CDKL5: variants seen among roughly 807,000 people sequenced by gnomAD.
CDKL5 encodes cyclin-dependent kinase-like 5.
CDKL5 carries 8 observed loss-of-function variants against 61.7 expected under a neutral mutation model. The observed-to-expected ratio is 0.13, with a 90% CI of 0.08 to 0.23. The LOEUF is 0.23. Ranked by LOEUF, CDKL5 falls within the 10% of genes least tolerant of loss-of-function variation. The pLI is 1.00. For synonymous variants in CDKL5, 275 were observed against 272.3 expected, an observed-to-expected ratio of 1.01 and a Z score of -0.10; for missense variants, 440 against 734.5, an observed-to-expected ratio of 0.60 and a Z score of 4.63.
chrX:18,603,478 A>G (rs763577238), intron 11 of CDKL5, among the ~76,000 whole-genome samples: 11 of 112,554 alleles, frequency 9.8e-5, no homozygotes, highest in African/African-American at 3.5e-4. Flanking sequence ...AGTTCAAGAA[A>G]CATAGTAACC....
chrX:18,559,071 G>A (rs1466743592), intron 3 of CDKL5, among the ~76,000 whole-genome samples: 4 of 112,732 alleles, frequency 3.5e-5, no homozygotes, highest in African/African-American at 1.3e-4. Flanking sequence ...CAACCCCAAT[G>A]AGAAGGATGT....
chrX:18,481,371 T>TCTTTCTTTCTTTCTTCTTTCTTCTTTC (rs1569192149), intron 1 of CDKL5, among the ~76,000 whole-genome samples: 1 of 95,860 alleles, frequency 1.0e-5, no homozygotes, highest in African/African-American at 3.9e-5. Flanking sequence ...TTTCTTTCTT[T>TCTTTCTTTCTTTCTTCTTTCTTCTTTC]TGAGGCAGGG....
intron 1 of CDKL5, among the ~76,000 whole-genome samples, chrX:18,487,686 C>T (rs751636601): frequency 1.2e-3 from 140 of 112,838 alleles, no homozygotes; most frequent in Non-Finnish European, 2.3e-3. Context: ...GAGGCTGAGG[C>T]GGGAGGATCA....
chrX:18,633,899 C>A lies in CDKL5; in HGVS notation c.*5142C>A. Reference sequence around the variant, plus strand: ...TGTAGGCTATTAAATATGATCATGACCCGCCTTGCATTTTCATTCATCACC... The same window carrying A: ...TGTAGGCTATTAAATATGATCATGAACCGCCTTGCATTTTCATTCATCACC... On this transcript the variant is annotated 3_prime_UTR_variant, in exon 18 of 18. Coordinates refer to ENST00000623535, the MANE Select transcript of CDKL5 (RefSeq NM_001323289.2). The A allele has an allele frequency of 1.3e-6, 1 of 753,702 alleles. No homozygotes were observed. Among genetic ancestry groups the A allele is most frequent in the Non-Finnish European group, 1.6e-6 (1 of 639,086 alleles). The allele number at this position is 753,702 out of a possible 1,213,427, so 62.1% of individuals were successfully genotyped here. A position where few individuals can be genotyped will look rare whatever the true frequency, so the allele number is the denominator to read the frequency against.
chrX:18,533,664 G>A (rs899788123), intron 3 of CDKL5, among the ~76,000 whole-genome samples: 1 of 111,316 alleles, frequency 9.0e-6, no homozygotes, highest in Non-Finnish European at 1.9e-5. Context: ...CTCATTTTTT[G>A]TCCTGATCTT....
chrX:18,652,644 G>A (rs1000041857), intron 21 of CDKL5, among the ~76,000 whole-genome samples: 3 of 107,931 alleles, frequency 2.8e-5, no homozygotes, highest in African/African-American at 1.0e-4. Flanking sequence ...ACTCCAGCTT[G>A]GGCAACAGAG....
At chrX:18,501,744 T>A (rs1167944023) in intron 1 of CDKL5, among the ~76,000 whole-genome samples, 2 of 108,839 alleles carry the variant, frequency 1.8e-5, no homozygotes, top group Non-Finnish European at 3.8e-5. Context: ...AGATCGGGTT[T>A]CATCATATTG....
At chrX:18,536,766 C>G (rs970083607) in intron 3 of CDKL5, among the ~76,000 whole-genome samples, 3 of 110,519 alleles carry the variant, frequency 2.7e-5, no homozygotes, top group Non-Finnish European at 5.7e-5. Flanking sequence ...TTTAAGAAAG[C>G]AACCTGTGTG....
intron 1 of CDKL5, among the ~76,000 whole-genome samples, chrX:18,476,790 C>T (rs1172093947): frequency 1.8e-5 from 2 of 110,462 alleles, no homozygotes; most frequent in African/African-American, 6.6e-5. Context: ...TTTTTTGAGA[C>T]GGAGTCTCGC....
intron 3 of CDKL5, among the ~76,000 whole-genome samples, chrX:18,529,494 C>A (rs905065703): frequency 9.0e-6 from 1 of 110,850 alleles, no homozygotes; most frequent in Admixed American, 9.6e-5. Flanking sequence ...CAGTTTCTTA[C>A]CTATATAATT....
At chrX:18,528,237 A>ATTTTTTT (rs749197887) in intron 3 of CDKL5, among the ~76,000 whole-genome samples, 5 of 68,438 alleles carry the variant, frequency 7.3e-5, no homozygotes, top group Non-Finnish European at 1.1e-4. Flanking sequence ...ACCCATACTC[A>ATTTTTTT]TTTTTTTTTT....
chrX:18,615,593 T>C (rs1926691032), intron 15 of CDKL5, among the ~76,000 whole-genome samples: 1 of 111,257 alleles, frequency 9.0e-6, no homozygotes, highest in Non-Finnish European at 1.9e-5. Context: ...AATTTTTGTA[T>C]CTTTTGTAAA....
rs1470291201 is a variant in CDKL5 at position 18,590,389 on chromosome X, G to A, written c.744+2246G>A. ...CATTTCTTTCCTTTCTCTGAAATGC[G>A]TAGTTCTCAAACCATGTTACCTTGC... On this transcript the variant is annotated intron_variant, in intron 9 of 17. Transcript: ENST00000623535. Among the ~76,000 whole-genome samples the A allele has an allele frequency of 6.3e-5, 7 of 111,861 alleles. 2 individuals are homozygous for A. In the Admixed American group the frequency reaches 6.7e-4, roughly 11 times the overall value.
chrX:18,610,471 G>A (rs1464830807), intron 14 of CDKL5, among the ~76,000 whole-genome samples: 1 of 112,534 alleles, frequency 8.9e-6, no homozygotes, highest in Non-Finnish European at 1.9e-5. Context: ...CTGATTCTTT[G>A]TCTGAGTTCT....
intron 1 of CDKL5, among the ~76,000 whole-genome samples, chrX:18,431,532 C>T (rs776309430): frequency 1.8e-5 from 2 of 108,203 alleles, no homozygotes; most frequent in Non-Finnish European, 3.8e-5. Flanking sequence ...CGCCATTCTC[C>T]TACCTCAGCC....
chrX:18,531,657 G>GA (rs745334199), intron 3 of CDKL5, among the ~76,000 whole-genome samples: 2,315 of 111,285 alleles, frequency 0.021, 51 homozygotes, highest in African/African-American at 0.06. Context: ...GTAAATCCAA[G>GA]AAATTTGCTG....
downstream of CDKL5, chrX:18,641,946 C>A: frequency 1.7e-6 from 2 of 1,155,253 alleles, no homozygotes; most frequent in Non-Finnish European, 2.3e-6. Context: ...GTGAGGGGGT[C>A]CCCTACGGCC....
chrX:18,564,594 A>G (rs1461121634), intron 4 of CDKL5, 72 bp downstream of exon 4: 2 of 340,362 alleles, frequency 5.9e-6, no homozygotes, highest in Non-Finnish European at 9.2e-6. Context: ...TTTTATACAT[A>G]GAGTGTGGAA....
chrX:18,638,317 G>A lies in CDKL5; in HGVS notation c.*9560G>A, dbSNP rs759652971. On this transcript the variant is annotated 3_prime_UTR_variant, in exon 18 of 18. Coordinates refer to ENST00000623535, the MANE Select transcript of CDKL5 (RefSeq NM_001323289.2). ...TTTAATTATTTAAAAATCTGCAAAT[G>A]TTGTGTATATTTTACCGCAATTTTT... 3 of 112,295 alleles carry A rather than the reference G, an allele frequency of 2.7e-5. No individual in the cohort carries two copies. The highest frequency in any genetic ancestry group is 7.3e-4 in the South Asian group (2 of 2,737). The allele number at this position is 112,295 out of a possible 1,213,427, so 9.3% of individuals were successfully genotyped here.
Sources: allele counts gnomAD v4.1 joint callset (sites outside exome capture counted in the v4.1 genomes callset), GRCh38; gene constraint gnomAD v4.1.1; transcripts MANE v1.5; gene names NCBI Gene and HGNC (gene_info 2026-07-23, HGNC 2026-07-21).